Variants in UNKL observed in about 807,000 individuals in gnomAD.
UNKL encodes the protein unk like zinc finger.
In UNKL, 60 loss-of-function variants were observed where a neutral mutation model predicts 78.0. That is an observed-to-expected ratio of 0.77 (90% confidence interval 0.63 to 0.95). The LOEUF is 0.95. UNKL is among the 40% of genes least tolerant of loss of function. The pLI is 0.00. For missense variants in UNKL, 1,159 were observed against 1,045.7 expected (o/e 1.11, Z -1.49); for synonymous variants, 608 against 474.8 (o/e 1.28, Z -3.65).
At chr16:1,393,112 C>T (rs1301943547) in intron 7 of UNKL, 136 bp from the exon 8 acceptor site, 14 of 914,904 alleles carry the variant, frequency 1.5e-5, no homozygotes, top group Admixed American at 6.2e-5. Context: ...CGGCAGAGGA[C>T]GGCTGGGCAG....
chr16:1,378,086 C>G lies in UNKL; in HGVS notation c.1265-6475G>C, dbSNP rs566086981. On this transcript the variant is annotated intron_variant, in intron 10 of 14. Transcript: ENST00000389221. Reference sequence around the variant, plus strand: ...TGCAGGCTCAGCCTGGCTGTGCCTTCCATTCAGTAAGATCAGCCACACCAG... The same window carrying G: ...TGCAGGCTCAGCCTGGCTGTGCCTTGCATTCAGTAAGATCAGCCACACCAG... 6.6e-5 allele frequency among the ~76,000 whole-genome samples: 10 copies of G among 152,334 alleles called. No individual in the cohort carries two copies. In the South Asian group the frequency reaches 2.1e-3, roughly 32 times the overall value.
intron 2 of UNKL, among the ~76,000 whole-genome samples, chr16:1,405,474 G>A (rs2037710333): frequency 6.6e-6 from 1 of 151,994 alleles, no homozygotes; most frequent in African/African-American, 2.4e-5. Flanking sequence ...CTACTCGGGA[G>A]GCTGAGGCAG....
intron 10 of UNKL, among the ~76,000 whole-genome samples, chr16:1,376,569 G>T (rs1244995053): frequency 6.6e-6 from 1 of 152,228 alleles, no homozygotes; most frequent in Non-Finnish European, 1.5e-5. Context: ...CACCTCTTCC[G>T]AGTGTCTGTC....
At chr16:1,370,056 G>C in intron 12 of UNKL, 74 bp downstream of exon 12, 1 of 1,550,454 alleles carries the variant, frequency 6.4e-7, no homozygotes, top group Non-Finnish European at 8.7e-7. Context: ...AGGCCCCTCA[G>C]TCAGGACGGC....
chr16:1,369,322 C>A (rs528793979), intron 12 of UNKL, among the ~76,000 whole-genome samples: 1 of 151,594 alleles, frequency 6.6e-6, no homozygotes, highest in Non-Finnish European at 1.5e-5. Flanking sequence ...CCCACCTCGG[C>A]GCCCCAAGTG....
Position 1,364,316 on chromosome 16 carries a change from C to CT in UNKL, c.*1923dup, listed in dbSNP as rs2035059700. On this transcript the variant is annotated 3_prime_UTR_variant, in exon 15 of 15. Transcript: ENST00000389221. ...TACGTTAAAACAGTTCTTAAACCAC[C>CT]TACTATATTAAATACATTCTAATTT... 1 of 152,218 alleles carries CT rather than the reference C, an allele frequency of 6.6e-6. No homozygotes were observed. The highest frequency in any genetic ancestry group is 1.5e-5 in the Non-Finnish European group (1 of 68,038). The allele number at this position is 152,218 out of a possible 1,614,324, so 9.4% of individuals were successfully genotyped here.
intron 3 of UNKL, among the ~76,000 whole-genome samples, chr16:1,402,359 C>T (rs1338067773): frequency 6.6e-6 from 1 of 152,226 alleles, no homozygotes; most frequent in East Asian, 1.9e-4. Context: ...GAAGGACTGT[C>T]TCATTAGAAA....
intron 10 of UNKL, chr16:1,378,841 G>A (rs906439639): frequency 6.6e-6 from 1 of 152,352 alleles, no homozygotes; most frequent in South Asian, 2.1e-4. Context: ...CTCACTCCCA[G>A]AAATCAAGGG....
Position 1,385,044 on chromosome 16 carries a change from C to T in UNKL, c.1264+164G>A, listed in dbSNP as rs111847085. On this transcript the variant is annotated intron_variant, in intron 10 of 14. Coordinates refer to ENST00000389221, the MANE Select transcript of UNKL (RefSeq NM_001372107.1). ...GTCAGGGCTTGTTTCCACAACCACA[C>T]GTGCAACACAACCAAAGTGACAGAT... 1.7e-3 allele frequency among the ~76,000 whole-genome samples: 255 copies of T among 152,374 alleles called. 1 individual carries two copies. Among genetic ancestry groups the T allele is most frequent in the African/African-American group, 5.2e-3 (217 of 41,594 alleles).
chr16:1,391,626 G>T (rs969877220), intron 8 of UNKL, among the ~76,000 whole-genome samples: 1 of 152,062 alleles, frequency 6.6e-6, no homozygotes, highest in South Asian at 2.1e-4. Context: ...AAGGTCTCAT[G>T]AAACAGAAGA....
chr16:1,405,280 G>A (rs1007909406), intron 2 of UNKL, among the ~76,000 whole-genome samples: 1 of 148,948 alleles, frequency 6.7e-6, no homozygotes, highest in African/African-American at 2.6e-5. Flanking sequence ...AGGGAGGGAG[G>A]GAGAAAGGAA....
At chr16:1,411,893 G>A (rs1479032833) in intron 2 of UNKL, 2 of 152,174 alleles carry the variant, frequency 1.3e-5, no homozygotes, top group African/African-American at 2.4e-5. Flanking sequence ...AGTTTCTAGC[G>A]TCCTTAAAAA....
At chr16:1,385,654 G>A (rs1279531958) in intron 9 of UNKL, among the ~76,000 whole-genome samples, 1 of 152,226 alleles carries the variant, frequency 6.6e-6, no homozygotes, top group Non-Finnish European at 1.5e-5. Flanking sequence ...CGTTTCAGGA[G>A]TAGACATTTG....
chr16:1,406,086 G>C (rs183504916), intron 2 of UNKL: 52 of 456,700 alleles, frequency 1.1e-4, no homozygotes, highest in African/African-American at 8.6e-4. Context: ...CCGGGCTTAG[G>C]AGACAGGCAG....
chr16:1,405,468 T>C (rs1197766193), intron 2 of UNKL, among the ~76,000 whole-genome samples: 1 of 151,440 alleles, frequency 6.6e-6, no homozygotes, highest in Non-Finnish European at 1.5e-5. Flanking sequence ...TCCCAGCTAC[T>C]CGGGAGGCTG....
In UNKL at chr16:1,370,170, C is replaced by T. The variant is rs369193539; in HGVS notation, c.1545G>A (p.Pro515=). Residue 515 remains proline, a synonymous_variant, in exon 12 of 15, where the codon CCG becomes CCA. Coordinates refer to ENST00000389221, the MANE Select transcript of UNKL (RefSeq NM_001372107.1). ...PQQPPPLRSE[P]GTLGSAASSY... Reference sequence around the variant, plus strand: ...ATGAGGCTGCAGAGCCCAGTGTGCCCGGCTCTGAACGCAGGGGTGGCGGCT... The same window carrying T: ...ATGAGGCTGCAGAGCCCAGTGTGCCTGGCTCTGAACGCAGGGGTGGCGGCT... 24 of 1,513,192 alleles carry T rather than the reference C, an allele frequency of 1.6e-5. No individual in the cohort carries two copies. In the African/African-American group the frequency reaches 1.7e-4, roughly 10 times the overall value. The allele number at this position is 1,513,192 out of a possible 1,614,324, so 93.7% of individuals were successfully genotyped here.
rs1166425561 is a variant in UNKL, at chr16:1,371,698, G to A, written c.1265-87C>T. The A allele has an allele frequency of 2.2e-6, 3 of 1,383,686 alleles. No individual in the cohort carries two copies. The African/African-American group carries it at 4.3e-5, about 20-fold the overall frequency. 85.7% of individuals were successfully genotyped at this position (1,383,686 alleles called of 1,614,324 possible). A position where few individuals can be genotyped will look rare whatever the true frequency, so the allele number is the denominator to read the frequency against. On this transcript the variant is annotated intron_variant, in intron 10 of 14. Coordinates refer to ENST00000389221, the MANE Select transcript of UNKL (RefSeq NM_001372107.1). The stretch of plus-strand genomic sequence containing the variant: ...GCTGAGGAGGACGACCGTCCCACCT[G>A]GGCTTAGAGTGAGACCAAGGGCAGA...
At chr16:1,381,205 CTT>C (rs1330405638) in intron 10 of UNKL, among the ~76,000 whole-genome samples, 2 of 152,196 alleles carry the variant, frequency 1.3e-5, no homozygotes, top group African/African-American at 4.8e-5. Context: ...GATGGTCTCT[CTT>C]GTTTGGGATT....
intron 10 of UNKL, among the ~76,000 whole-genome samples, chr16:1,384,899 A>G (rs1282220043): frequency 3.3e-5 from 5 of 151,350 alleles, no homozygotes; most frequent in African/African-American, 1.2e-4. Flanking sequence ...CACAACTCCC[A>G]TCATCTGTCA....
Sources: gnomAD v4.1 joint callset for allele counts (sites outside exome capture counted in the v4.1 genomes callset) on GRCh38, gnomAD v4.1.1 for gene constraint, MANE v1.5 for transcripts, NCBI Gene and HGNC (gene_info 2026-07-23, HGNC 2026-07-21) for gene names.